Variants in PDS5A observed in about 807,000 individuals in gnomAD.
PDS5A encodes sister chromatid cohesion protein PDS5 homolog A.
A neutral mutation model predicts 167.1 loss-of-function variants in PDS5A; 42 were observed. That is an observed-to-expected ratio of 0.25 (90% CI 0.20 to 0.33). The LOEUF (loss-of-function observed/expected upper bound fraction) is 0.33, where lower values mean the gene tolerates loss of function less well. Among genes scored for constraint, PDS5A ranks in the 10% least tolerant of loss-of-function variants. The pLI is 1.00. For missense variants in PDS5A, 1,033 were observed against 1,605.9 expected (o/e 0.64, Z 6.10); for synonymous variants, 553 against 554.6 (o/e 1.00, Z 0.04).
intron 17 of PDS5A, among the ~76,000 whole-genome samples, chr4:39,886,070 G>C (rs978721173): frequency 6.6e-6 from 1 of 152,198 alleles, no homozygotes; most frequent in African/African-American, 2.4e-5. Context: ...ATTTATTGTA[G>C]AGACTATCCC....
rs1487568979 is a variant in PDS5A at position 39,920,418 on chromosome 4, A to G, written c.655-19T>C. 4.4e-6 allele frequency: 5 copies of G among 1,129,588 alleles called. No individual in the cohort carries two copies. The highest frequency in any genetic ancestry group is 1.3e-6 in the Non-Finnish European group (1 of 754,112). The allele number at this position is 1,129,588 out of a possible 1,614,324, so 70.0% of individuals were successfully genotyped here. ...TTAAGTTCTGAAAAATAATAAAAAC[A>G]TGGAAAGTTACAAATAAATGTTAAT... On this transcript the variant is annotated intron_variant, in intron 6 of 32. Coordinates refer to ENST00000303538, the MANE Select transcript of PDS5A (RefSeq NM_001100399.2).
At chr4:39,921,440 T>C (rs1456511987) in intron 6 of PDS5A, among the ~76,000 whole-genome samples, 2 of 151,942 alleles carry the variant, frequency 1.3e-5, no homozygotes, top group African/African-American at 2.4e-5. Flanking sequence ...CTACTACTAA[T>C]AAAAATGCTC....
At chr4:39,906,937 A>AC (rs1560472208) in intron 11 of PDS5A, among the ~76,000 whole-genome samples, 1 of 151,328 alleles carries the variant, frequency 6.6e-6, no homozygotes, top group Non-Finnish European at 1.5e-5. Context: ...AAAAAAAAAA[A>AC]AAAAAACAAG....
intron 32 of PDS5A, among the ~76,000 whole-genome samples, chr4:39,834,036 C>T (rs1275975438): frequency 6.6e-6 from 1 of 152,106 alleles, no homozygotes; most frequent in East Asian, 1.9e-4. Context: ...TTTACCAGTA[C>T]AATCCCGAAG....
intron 2 of PDS5A, among the ~76,000 whole-genome samples, chr4:39,966,322 T>C (rs1482287498): frequency 1.3e-5 from 2 of 152,200 alleles, no homozygotes; most frequent in Admixed American, 6.6e-5. Flanking sequence ...GGGGTCCTCC[T>C]GGAGGAAAGC....
chr4:39,842,233 T>C (rs1401631995), intron 30 of PDS5A, among the ~76,000 whole-genome samples, 177 bp from the exon 31 acceptor site: 2 of 152,220 alleles, frequency 1.3e-5, no homozygotes, highest in African/African-American at 2.4e-5. Flanking sequence ...TCATTTTCCA[T>C]TTAGCTTTGA....
chr4:39,831,357 C>T (rs1715853838), intron 32 of PDS5A, among the ~76,000 whole-genome samples: 10 of 152,034 alleles, frequency 6.6e-5, no homozygotes, highest in Admixed American at 6.6e-4. Context: ...CCTTGGCATC[C>T]TAAAGTGCTG....
intron 3 of PDS5A, among the ~76,000 whole-genome samples, chr4:39,927,112 T>G (rs752285179): frequency 6.6e-6 from 1 of 152,208 alleles, no homozygotes; most frequent in Non-Finnish European, 1.5e-5. Context: ...GACCACAGGC[T>G]CTATATCTCA....
At chr4:39,859,537 T>C (rs939422897) in intron 26 of PDS5A, among the ~76,000 whole-genome samples, 3 of 152,178 alleles carry the variant, frequency 2.0e-5, no homozygotes, top group Admixed American at 6.5e-5. Flanking sequence ...AGCAAGATAG[T>C]AGAACATCTA....
intron 5 of PDS5A, among the ~76,000 whole-genome samples, chr4:39,923,402 C>T (rs1179205211): frequency 6.9e-6 from 1 of 145,676 alleles, no homozygotes; most frequent in Non-Finnish European, 1.5e-5. Context: ...AGTCTTTACA[C>T]AACTAGGATT....
intron 6 of PDS5A, 127 bp downstream of exon 6, chr4:39,922,491 TTTTA>T (rs1196214865): frequency 2.8e-6 from 2 of 707,112 alleles, no homozygotes; most frequent in Non-Finnish European, 4.1e-6. Context: ...ATGCATGTTA[TTTTA>T]TTTGAGGTGG....
At chr4:39,863,208 G>T in intron 24 of PDS5A, 128 bp downstream of exon 24, 1 of 925,044 alleles carries the variant, frequency 1.1e-6, no homozygotes, top group East Asian at 2.6e-5. Flanking sequence ...TTGGAAGACA[G>T]TTAAACAGGT....
chr4:39,863,386 G>C lies in PDS5A; in HGVS notation c.2716C>G (p.His906Asp). ...IMKLAQEPCY[H>D]EIITPEQFQL... ...AACTGTTCTGGGGTAATAATTTCAT[G>C]GTAACAAGGTTCCTGAGCAAGCTTC... Residue 906 changes from histidine to aspartate, a missense_variant, in exon 24 of 33, where the codon CAT (histidine) becomes GAT (aspartate). Around this residue, in one of 4 missense-constraint regions of PDS5A, gnomAD observed 367 missense variants for 686.7 expected, o/e 0.53. Coordinates refer to ENST00000303538, the MANE Select transcript of PDS5A (RefSeq NM_001100399.2). 3 of 1,609,136 alleles carry C rather than the reference G, an allele frequency of 1.9e-6. No individual in the cohort carries two copies. Among genetic ancestry groups the C allele is most frequent in the Non-Finnish European group, 2.6e-6 (3 of 1,176,294 alleles).
chr4:39,964,835 T>A (rs964025664), intron 2 of PDS5A, among the ~76,000 whole-genome samples: 4 of 150,716 alleles, frequency 2.7e-5, no homozygotes, highest in Admixed American at 2.6e-4. Context: ...CCCAGCTACT[T>A]GGGAGGCTGA....
At chr4:39,849,111 C>G (rs1414692512) in intron 27 of PDS5A, 141 bp from the exon 28 acceptor site, 6 of 668,676 alleles carry the variant, frequency 9.0e-6, no homozygotes, top group Middle Eastern at 3.3e-4. Flanking sequence ...TATTTCTGTT[C>G]AGCACTGTTT....
intron 2 of PDS5A, among the ~76,000 whole-genome samples, chr4:39,972,028 G>A (rs1730593522): frequency 6.6e-6 from 1 of 152,114 alleles, no homozygotes; most frequent in South Asian, 2.1e-4. Context: ...TTTGGCAGTA[G>A]GACATTGAAG....
At chr4:39,858,636 T>C (rs1718731840) in intron 26 of PDS5A, among the ~76,000 whole-genome samples, 1 of 152,216 alleles carries the variant, frequency 6.6e-6, no homozygotes, top group South Asian at 2.1e-4. Flanking sequence ...AATTTTCTTT[T>C]TTTTAAGATG....
At chr4:39,949,703 G>A (rs962382244) in intron 2 of PDS5A, among the ~76,000 whole-genome samples, 5 of 150,880 alleles carry the variant, frequency 3.3e-5, no homozygotes, top group Admixed American at 2.0e-4. Context: ...GCATGGTGGC[G>A]CACACCCGGC....
intron 2 of PDS5A, among the ~76,000 whole-genome samples, chr4:39,938,098 A>G (rs1726813472): frequency 6.6e-6 from 1 of 152,112 alleles, no homozygotes; most frequent in Non-Finnish European, 1.5e-5. Context: ...CAATTCACCT[A>G]TTTCTATACC....
Sources: allele counts gnomAD v4.1 joint callset (sites outside exome capture counted in the v4.1 genomes callset), GRCh38; gene constraint gnomAD v4.1.1; regional missense constraint gnomAD v4.1.1; transcripts MANE v1.5; gene names NCBI Gene and HGNC (gene_info 2026-07-23, HGNC 2026-07-21).